Variants in REPS2 observed in about 807,000 individuals in gnomAD.
REPS2 encodes the protein ralBP1-associated Eps domain-containing protein 2.
In REPS2, 23 loss-of-function variants were observed where a neutral mutation model predicts 53.6. The ratio of observed to expected loss-of-function variants is 0.43; its 90% CI spans 0.31 to 0.61. REPS2 has a LOEUF of 0.61. Among genes scored for constraint, REPS2 ranks in the 20% least tolerant of loss-of-function variants. REPS2 has a pLI of 0.11. For synonymous variants in REPS2, 238 were observed against 218.6 expected, an observed-to-expected ratio of 1.09 and a Z score of -0.78; for missense variants, 446 against 534.9, an observed-to-expected ratio of 0.83 and a Z score of 1.64.
chrX:16,948,571 A>G (rs2060469638), intron 1 of REPS2, among the ~76,000 whole-genome samples: 1 of 112,436 alleles, frequency 8.9e-6, no homozygotes, highest in Admixed American at 9.5e-5. Flanking sequence ...GCTATGCAGC[A>G]AGTAAGTGAC....
chrX:17,020,551 C>T (rs1323164910), intron 2 of REPS2, among the ~76,000 whole-genome samples: 2 of 110,862 alleles, frequency 1.8e-5, no homozygotes, highest in Non-Finnish European at 3.8e-5. Context: ...GATTGGGAAA[C>T]ATTAAGATTG....
intron 5 of REPS2, among the ~76,000 whole-genome samples, chrX:17,032,269 A>T (rs1335388241): frequency 8.9e-6 from 1 of 112,003 alleles, no homozygotes; most frequent in Non-Finnish European, 1.9e-5. Context: ...AAAACCAGAC[A>T]GGTGCTCGCC....
At chrX:17,099,687 T>C (rs1406033922) in intron 13 of REPS2, 1 of 447,779 alleles carries the variant, frequency 2.2e-6, no homozygotes, top group South Asian at 3.3e-5. Flanking sequence ...CTTCTCAAGC[T>C]ACCTCTATGG....
chrX:17,034,379 C>T (rs1305835610), intron 5 of REPS2, among the ~76,000 whole-genome samples: 3 of 111,452 alleles, frequency 2.7e-5, no homozygotes, highest in Non-Finnish European at 3.8e-5. Context: ...TCACTGCAAC[C>T]TCCACCTCCT....
chrX:17,045,910 G>C (rs914958006), intron 5 of REPS2, among the ~76,000 whole-genome samples: 1 of 110,401 alleles, frequency 9.1e-6, no homozygotes, highest in South Asian at 3.9e-4. Context: ...TTGTCAGAGG[G>C]GAGACAGGCG....
At chrX:17,189,980 AT>A in the REPS2 span, among the ~76,000 whole-genome samples, 1 of 112,109 alleles carries the variant, frequency 8.9e-6, no homozygotes, top group Non-Finnish European at 1.9e-5. Flanking sequence ...TTGTTCAAAT[AT>A]TGGGGCTATT....
At chrX:17,075,309 G>A (rs757975145) in intron 12 of REPS2, among the ~76,000 whole-genome samples, 3 of 111,895 alleles carry the variant, frequency 2.7e-5, no homozygotes, top group Admixed American at 9.5e-5. Context: ...ACCATAAATC[G>A]AACCTCAAAG....
At chrX:17,057,349 A>G (rs1178801780) in intron 8 of REPS2, among the ~76,000 whole-genome samples, 3 of 112,289 alleles carry the variant, frequency 2.7e-5, no homozygotes, top group Non-Finnish European at 5.6e-5. Context: ...TTTCTGTGTT[A>G]AATAGTGAGA....
intron 12 of REPS2, among the ~76,000 whole-genome samples, chrX:17,076,304 C>T (rs1438542025): frequency 9.0e-6 from 1 of 111,713 alleles, no homozygotes; most frequent in Non-Finnish European, 1.9e-5. Context: ...ACTCAGAGGT[C>T]GTTTTCTGCT....
chrX:16,970,934 A>G (rs1287217968), intron 1 of REPS2, among the ~76,000 whole-genome samples: 1 of 112,710 alleles, frequency 8.9e-6, no homozygotes, highest in Non-Finnish European at 1.9e-5. Flanking sequence ...CCTCTTATGT[A>G]TAATGCTACT....
chrX:17,052,300 A>C, intron 6 of REPS2, 82 bp from the exon 7 acceptor site: 1 of 799,017 alleles, frequency 1.3e-6, no homozygotes, highest in Admixed American at 2.8e-5. Context: ...TGAATGAAAA[A>C]ATTGTGATTC....
At position 17,000,046 on chromosome X, in the gene REPS2, CA is replaced by C. The variant is rs61082179; in HGVS notation, c.274-6153del. 3.4e-3 allele frequency among the ~76,000 whole-genome samples: 92 copies of C among 27,107 alleles called. 1 individual carries two copies. Among genetic ancestry groups the C allele is most frequent in the East Asian group, 9.1e-3 (8 of 876 alleles). The allele number at this position is 27,107 out of a possible 115,157, so 23.5% of individuals were successfully genotyped here. On this transcript the variant is annotated intron_variant, in intron 1 of 17. Coordinates refer to ENST00000357277, the MANE Select transcript of REPS2 (RefSeq NM_004726.3). ...TGGGCGACAGAGCGAGACTCCGTCT[CA>C]AAAAAAAAAAAAAAAAAAAAAGCAA... is the stretch of plus-strand genomic sequence containing the variant.
rs2063024872 is a variant in REPS2, at chrX:17,114,854, G to A, written c.1578+11075G>A. On this transcript the variant is annotated intron_variant, in intron 14 of 17. Coordinates refer to ENST00000357277, the MANE Select transcript of REPS2 (RefSeq NM_004726.3). ...TCTGCTGTGTACAGAATTTTAGACT[G>A]AAAGTAATTTTTCCTCAGTATTTTG... Among the ~76,000 whole-genome samples, 3 of 112,125 alleles carry A rather than the reference G, an allele frequency of 2.7e-5. No individual in the cohort carries two copies. The Admixed American group carries it at 2.8e-4, about 11-fold the overall frequency.
chrX:17,029,883 C>T (rs1182545099), intron 5 of REPS2, among the ~76,000 whole-genome samples: 1 of 112,258 alleles, frequency 8.9e-6, no homozygotes, highest in Non-Finnish European at 1.9e-5. Flanking sequence ...GTCCCTCTGC[C>T]TTCACCTATC....
At chrX:17,099,581 A>T (rs1428099846) in intron 13 of REPS2, among the ~76,000 whole-genome samples, 4 of 111,369 alleles carry the variant, frequency 3.6e-5, no homozygotes, top group Non-Finnish European at 7.5e-5. Flanking sequence ...CTTCCCCTCC[A>T]CTGGGACGGG....
At chrX:17,123,627 G>A (rs1404710658) in intron 14 of REPS2, among the ~76,000 whole-genome samples, 2 of 112,357 alleles carry the variant, frequency 1.8e-5, no homozygotes, top group African/African-American at 3.2e-5. Flanking sequence ...TTGGTCTACC[G>A]AGGGGGGTGC....
intron 14 of REPS2, among the ~76,000 whole-genome samples, chrX:17,127,546 C>T (rs1346246365): frequency 1.8e-5 from 2 of 111,689 alleles, no homozygotes; most frequent in Non-Finnish European, 3.8e-5. Flanking sequence ...TAGAGAAGGG[C>T]ATGGAAATGG....
intron 14 of REPS2, among the ~76,000 whole-genome samples, chrX:17,108,730 C>T (rs1023038045): frequency 9.0e-6 from 1 of 111,218 alleles, no homozygotes; most frequent in African/African-American, 3.3e-5. Flanking sequence ...ATTTCTGCCA[C>T]TAATTTCTCA....
chrX:17,097,846 G>A (rs1450882744), intron 13 of REPS2, among the ~76,000 whole-genome samples: 1 of 111,767 alleles, frequency 8.9e-6, no homozygotes, highest in Non-Finnish European at 1.9e-5. Flanking sequence ...TATCAGAATC[G>A]ACTTAAGAAT....
Sources: gnomAD v4.1 joint callset for allele counts (sites outside exome capture counted in the v4.1 genomes callset) on GRCh38, gnomAD v4.1.1 for gene constraint, MANE v1.5 for transcripts, NCBI Gene and HGNC (gene_info 2026-07-23, HGNC 2026-07-21) for gene names.